Variants in TMOD1 observed in about 807,000 individuals in gnomAD.
TMOD1 encodes the protein tropomodulin-1.
Under a neutral mutation model 40.6 loss-of-function variants are expected in TMOD1, and 17 were observed. The ratio of observed to expected loss-of-function variants is 0.42; its 90% CI spans 0.29 to 0.63. TMOD1 has a LOEUF of 0.63. Ranked by LOEUF, TMOD1 falls within the 20% of genes least tolerant of loss-of-function variation. The pLI is 0.22. For missense variants in TMOD1, 391 were observed against 447.6 expected (o/e 0.87, Z 1.14); for synonymous variants, 181 against 175.0 (o/e 1.03, Z -0.27).
In TMOD1 at chr9:97,599,941, C is replaced by G. The variant is rs1826215566; in HGVS notation, c.*243C>G. ...GGTTATTATTTAAAAACTAGAAGCCCCCAAACCAGCAGATCTTACTGAAGA... is the reference window on the plus strand; with the variant it reads ...GGTTATTATTTAAAAACTAGAAGCCGCCAAACCAGCAGATCTTACTGAAGA... On this transcript the variant is annotated 3_prime_UTR_variant, in exon 10 of 10. Transcript: ENST00000259365. The G allele has an allele frequency of 7.8e-7, 1 of 1,279,312 alleles. No individual in the cohort carries two copies. Among genetic ancestry groups the G allele is most frequent in the Non-Finnish European group, 1.0e-6 (1 of 1,004,724 alleles). The allele number at this position is 1,279,312 out of a possible 1,614,324, so 79.2% of individuals were successfully genotyped here.
At chr9:97,537,487 G>A (rs1229402466) in intron 2 of TMOD1, among the ~76,000 whole-genome samples, 1 of 152,188 alleles carries the variant, frequency 6.6e-6, no homozygotes, top group Non-Finnish European at 1.5e-5. Context: ...CCTGTTTGCA[G>A]GGTGTTAGAG....
At chr9:97,548,743 G>A (rs180858817) in intron 3 of TMOD1, among the ~76,000 whole-genome samples, 36 of 152,324 alleles carry the variant, frequency 2.4e-4, no homozygotes, top group African/African-American at 7.9e-4. Context: ...AAGGAGAATA[G>A]TTAGCATTCA....
intron 1 of TMOD1, among the ~76,000 whole-genome samples, chr9:97,503,567 C>T (rs1036973296): frequency 1.3e-5 from 2 of 152,110 alleles, no homozygotes; most frequent in African/African-American, 4.8e-5. Flanking sequence ...TCTTACAAAC[C>T]CGTGTTTTAG....
At chr9:97,596,780 C>T (rs1167621210) in intron 9 of TMOD1, among the ~76,000 whole-genome samples, 7 of 152,182 alleles carry the variant, frequency 4.6e-5, no homozygotes, top group Admixed American at 2.0e-4. Context: ...CTCCCAATGC[C>T]CCCCACCTTC....
chr9:97,510,681 A>G (rs1004725478), intron 1 of TMOD1, among the ~76,000 whole-genome samples: 2 of 152,238 alleles, frequency 1.3e-5, no homozygotes, highest in African/African-American at 2.4e-5. Flanking sequence ...CATGGGAGAC[A>G]GAGATGTTTG....
At chr9:97,572,529 G>T (rs1830836455) in intron 8 of TMOD1, among the ~76,000 whole-genome samples, 1 of 152,174 alleles carries the variant, frequency 6.6e-6, no homozygotes, top group South Asian at 2.1e-4. Flanking sequence ...CAGGGAGGGG[G>T]CTCTGCTGAC....
intron 2 of TMOD1, among the ~76,000 whole-genome samples, chr9:97,527,803 G>A (rs936897738): frequency 5.3e-5 from 8 of 152,186 alleles, no homozygotes; most frequent in East Asian, 3.9e-4. Flanking sequence ...GGTGGGAGGC[G>A]CTCCCGCGGG....
At chr9:97,522,761 C>T (rs10982506) in intron 1 of TMOD1, among the ~76,000 whole-genome samples, 3,442 of 152,136 alleles carry the variant, frequency 0.023, 151 homozygotes, top group East Asian at 0.15. Flanking sequence ...CAGGATCTCA[C>T]TGTGTTGCCC....
chr9:97,508,773 C>A (rs970050255), intron 1 of TMOD1, among the ~76,000 whole-genome samples: 3 of 152,170 alleles, frequency 2.0e-5, no homozygotes, highest in Admixed American at 6.5e-5. Context: ...ACCTAGCACC[C>A]CAGAATGTGA....
intron 9 of TMOD1, among the ~76,000 whole-genome samples, chr9:97,594,616 G>C (rs891376693): frequency 6.6e-6 from 1 of 152,174 alleles, no homozygotes; most frequent in Non-Finnish European, 1.5e-5. Flanking sequence ...GGGACATTGA[G>C]TCCCCAAGGC....
At position 97,578,039 on chromosome 9, in the gene TMOD1, T is replaced by C. The variant is rs375411341; in HGVS notation, c.870+9002T>C. 9.0e-4 allele frequency among the ~76,000 whole-genome samples: 137 copies of C among 152,234 alleles called. 4 individuals carry two copies. The South Asian group carries it at 0.028, about 31-fold the overall frequency. On this transcript the variant is annotated intron_variant, in intron 8 of 9. Transcript: ENST00000259365. ...CAGGGTCCCCGGAGTCAGAGAAAGA[T>C]GCAGGTATGAAGCTTCTTTGACATC...
chr9:97,589,399 G>A (rs562634125), intron 8 of TMOD1, among the ~76,000 whole-genome samples: 1 of 148,854 alleles, frequency 6.7e-6, no homozygotes, highest in East Asian at 2.0e-4. Flanking sequence ...AGCCTCCCGA[G>A]TATCTGGGAC....
In TMOD1 at chr9:97,519,428, G is replaced by A. The variant is rs960926241; in HGVS notation, c.-48-4713G>A. 5.3e-5 allele frequency among the ~76,000 whole-genome samples: 8 copies of A among 152,164 alleles called. No homozygotes were observed. The East Asian group carries it at 7.7e-4, about 15-fold the overall frequency. On this transcript the variant is annotated intron_variant, in intron 1 of 9. Coordinates refer to ENST00000259365, the MANE Select transcript of TMOD1 (RefSeq NM_003275.4). ...CCAGATTTGGAAGACTTGAGTTTGCGAAGGTGTTTTAAATATATTTACCTG... is the reference window on the plus strand; with the variant it reads ...CCAGATTTGGAAGACTTGAGTTTGCAAAGGTGTTTTAAATATATTTACCTG...
intron 1 of TMOD1, among the ~76,000 whole-genome samples, chr9:97,504,043 G>C (rs1051235546): frequency 6.6e-6 from 1 of 152,172 alleles, no homozygotes; most frequent in Non-Finnish European, 1.5e-5. Flanking sequence ...ACTGGGAAAA[G>C]ACCATCAGGA....
At chr9:97,579,760 C>T (rs1478004186) in intron 8 of TMOD1, among the ~76,000 whole-genome samples, 1 of 152,094 alleles carries the variant, frequency 6.6e-6, no homozygotes, top group Non-Finnish European at 1.5e-5. Flanking sequence ...GGCAGGTGAC[C>T]CAAGTAAGGC....
chr9:97,579,800 C>T (rs1825704072), intron 8 of TMOD1, among the ~76,000 whole-genome samples: 1 of 152,044 alleles, frequency 6.6e-6, no homozygotes, highest in African/African-American at 2.4e-5. Flanking sequence ...TAGGGAGGGA[C>T]ATCCAATGTG....
In TMOD1 at chr9:97,585,113, A is replaced by G. The variant is rs1210702940; in HGVS notation, c.871-6178A>G. 3.9e-5 allele frequency among the ~76,000 whole-genome samples: 6 copies of G among 152,180 alleles called. No individual in the cohort carries two copies. In the East Asian group the frequency reaches 1.2e-3, roughly 29 times the overall value. ...TCTTCCTAGTCTTGATGGTCTTTAC[A>G]TTTTGGCATGATTTTGCAGCGGCTG... is the stretch of plus-strand genomic sequence containing the variant. On this transcript the variant is annotated intron_variant, in intron 8 of 9. Coordinates refer to ENST00000259365, the MANE Select transcript of TMOD1 (RefSeq NM_003275.4).
At chr9:97,590,255 G>A (rs1285986215) in intron 8 of TMOD1, among the ~76,000 whole-genome samples, 1 of 151,202 alleles carries the variant, frequency 6.6e-6, no homozygotes, top group East Asian at 1.9e-4. Context: ...ACAGAGTCTC[G>A]CTCTGTCGCC....
At chr9:97,582,956 T>G (rs1825788702) in intron 8 of TMOD1, among the ~76,000 whole-genome samples, 2 of 151,564 alleles carry the variant, frequency 1.3e-5, no homozygotes, top group Non-Finnish European at 2.9e-5. Context: ...ACAGGGACAA[T>G]TTGACTTCTT....
Sources: gnomAD v4.1 joint callset for allele counts (sites outside exome capture counted in the v4.1 genomes callset) on GRCh38, gnomAD v4.1.1 for gene constraint, MANE v1.5 for transcripts, NCBI Gene and HGNC (gene_info 2026-07-23, HGNC 2026-07-21) for gene names.